UTRN: variants seen among roughly 807,000 people sequenced by gnomAD.
UTRN encodes utrophin.
A neutral mutation model predicts 463.9 loss-of-function variants in UTRN; 283 were observed. That is an observed-to-expected ratio of 0.61 (90% confidence interval 0.55 to 0.67). UTRN has a LOEUF of 0.67. UTRN is among the 30% of genes least tolerant of loss of function. The probability of loss-of-function intolerance (pLI) is 0.00; values close to 1 mark genes in which losing one functional copy is unlikely to be tolerated. For synonymous variants in UTRN, 1,442 were observed against 1,431.5 expected, an observed-to-expected ratio of 1.01 and a Z score of -0.17; for missense variants, 3,922 against 4,084.3, an observed-to-expected ratio of 0.96 and a Z score of 1.08.
intron 51 of UTRN, among the ~76,000 whole-genome samples, chr6:144,662,359 A>G (rs559625536): frequency 2.0e-5 from 3 of 152,344 alleles, no homozygotes; most frequent in African/African-American, 7.2e-5. Context: ...ACAAAGCAAT[A>G]ATGCCATTTC....
At chr6:144,336,578 T>G (rs913662027) in intron 2 of UTRN, among the ~76,000 whole-genome samples, 4 of 152,154 alleles carry the variant, frequency 2.6e-5, no homozygotes, top group Non-Finnish European at 4.4e-5. Context: ...CACTAGAAAC[T>G]AGAAAAATTT....
intron 2 of UTRN, among the ~76,000 whole-genome samples, chr6:144,358,795 A>G (rs1003134519): frequency 3.9e-5 from 6 of 152,192 alleles, no homozygotes; most frequent in Admixed American, 2.6e-4. Flanking sequence ...AATTGCAATA[A>G]CATTTTAAAA....
intron 65 of UTRN, among the ~76,000 whole-genome samples, chr6:144,804,705 G>C (rs1170887030): frequency 1.3e-5 from 2 of 152,136 alleles, no homozygotes; most frequent in Admixed American, 6.6e-5. Flanking sequence ...GAGAGAGACT[G>C]GGAGACAGGG....
rs938523044 is a variant in UTRN at position 144,700,230 on chromosome 6, A to G, written c.7796A>G (p.Tyr2599Cys). Reference protein sequence around the residue: ...GGDVPALQLQYDHCKALRREL... With the variant: ...GGDVPALQLQCDHCKALRREL... ...GATGTTCCAGCCTTACAGCTCCAGT[A>G]TGACCATTGTAAGGTAAGTGGATAA... is the stretch of plus-strand genomic sequence containing the variant. The change falls in exon 53 of 75, where the codon TAT (tyrosine) becomes TGT (cysteine). Residue 2599 changes from tyrosine to cysteine, a missense_variant. This residue lies in a region of UTRN where 1,309 missense variants were observed against 1,452.6 expected (regional missense o/e 0.90). Transcript: ENST00000367545. 8.1e-6 allele frequency: 13 copies of G among 1,612,610 alleles called. No homozygotes were observed. Among genetic ancestry groups the G allele is most frequent in the East Asian group, 2.2e-5 (1 of 44,856 alleles).
intron 50 of UTRN, among the ~76,000 whole-genome samples, chr6:144,566,421 T>C (rs1800407434): frequency 6.6e-6 from 1 of 152,150 alleles, no homozygotes; most frequent in African/African-American, 2.4e-5. Flanking sequence ...ATAGCATTCA[T>C]CTACTCAATG....
At chr6:144,649,320 G>C (rs1285159659) in intron 51 of UTRN, among the ~76,000 whole-genome samples, 1 of 152,180 alleles carries the variant, frequency 6.6e-6, no homozygotes, top group Non-Finnish European at 1.5e-5. Context: ...GGATAAGGCT[G>C]TATTGTGGCA....
intron 3 of UTRN, among the ~76,000 whole-genome samples, chr6:144,414,714 C>CTTTTTTTTTTTTTTTTTTT (rs58980911): frequency 7.0e-6 from 1 of 142,286 alleles, no homozygotes. Flanking sequence ...TGTACTATAT[C>CTTTTTTTTTTTTTTTTTTT]TTTTTTTTTT....
chr6:144,602,292 C>A (rs1180947890), intron 51 of UTRN, among the ~76,000 whole-genome samples: 1 of 151,764 alleles, frequency 6.6e-6, no homozygotes, highest in African/African-American at 2.4e-5. Context: ...CCACCAGTCC[C>A]GGCTGATTTT....
chr6:144,430,998 T>C (rs543790784), intron 9 of UTRN, among the ~76,000 whole-genome samples: 1 of 152,312 alleles, frequency 6.6e-6, no homozygotes, highest in South Asian at 2.1e-4. Context: ...GGCTCTCTTT[T>C]GTAGTGAATA....
chr6:144,752,525 T>A (rs1447992216), intron 56 of UTRN, among the ~76,000 whole-genome samples: 3 of 152,168 alleles, frequency 2.0e-5, no homozygotes, highest in African/African-American at 2.4e-5. Flanking sequence ...ATTTTATCTA[T>A]AATAGGTTTG....
At position 144,462,646 on chromosome 6, in the gene UTRN, T is replaced by C; in HGVS notation, c.2854-8T>C. Reference sequence around the variant, plus strand: ...TGCATATTTTTAATCTTTTAAAACTTTTTCCAGACCCTTGATGAAATCCTT... The same window carrying C: ...TGCATATTTTTAATCTTTTAAAACTCTTTCCAGACCCTTGATGAAATCCTT... On this transcript the variant is annotated splice_region_variant and splice_polypyrimidine_tract_variant and intron_variant, in intron 22 of 74. Coordinates refer to ENST00000367545, the MANE Select transcript of UTRN (RefSeq NM_007124.3). 1 of 1,592,722 alleles carries C rather than the reference T, an allele frequency of 6.3e-7. No homozygotes were observed.
At chr6:144,507,006 A>G (rs1425476705) in intron 34 of UTRN, among the ~76,000 whole-genome samples, 1 of 151,730 alleles carries the variant, frequency 6.6e-6, no homozygotes, top group Non-Finnish European at 1.5e-5. Context: ...ACTTTATTTT[A>G]TTAAGTTGAT....
chr6:144,677,852 T>C (rs2128683100), intron 51 of UTRN, among the ~76,000 whole-genome samples: 1 of 152,360 alleles, frequency 6.6e-6, no homozygotes, highest in East Asian at 1.9e-4. Context: ...TAATGACCAG[T>C]GCTGATGAGC....
intron 51 of UTRN, among the ~76,000 whole-genome samples, chr6:144,595,133 C>T (rs914925515): frequency 6.6e-6 from 1 of 152,100 alleles, no homozygotes; most frequent in Non-Finnish European, 1.5e-5. Context: ...CTTGTTTGAT[C>T]TTATGTAATA....
At chr6:144,795,183 C>A (rs1586604532) in intron 63 of UTRN, among the ~76,000 whole-genome samples, 1 of 152,108 alleles carries the variant, frequency 6.6e-6, no homozygotes, top group Non-Finnish European at 1.5e-5. Context: ...CATCCATTTC[C>A]CTGCAAGGGA....
At chr6:144,698,468 T>A (rs1784238565) in intron 52 of UTRN, among the ~76,000 whole-genome samples, 1 of 152,246 alleles carries the variant, frequency 6.6e-6, no homozygotes, top group African/African-American at 2.4e-5. Context: ...CAGCATATGC[T>A]GATGAAAGGC....
chr6:144,824,596 A>T (rs1166197471), intron 66 of UTRN, among the ~76,000 whole-genome samples: 1 of 53,736 alleles, frequency 1.9e-5, no homozygotes, highest in Admixed American at 3.3e-4. Context: ...ATATATATAT[A>T]TATATATATA....
chr6:144,501,031 G>C (rs1019310521), intron 34 of UTRN, among the ~76,000 whole-genome samples: 1 of 152,194 alleles, frequency 6.6e-6, no homozygotes, highest in Non-Finnish European at 1.5e-5. Flanking sequence ...CTGAGAGGTT[G>C]TGGGGTGACA....
intron 69 of UTRN, among the ~76,000 whole-genome samples, chr6:144,834,157 C>T (rs1180012881): frequency 6.6e-6 from 1 of 152,164 alleles, no homozygotes; most frequent in Non-Finnish European, 1.5e-5. Flanking sequence ...CAGTTGCTAA[C>T]TGTGTTGTAA....
Sources: allele counts gnomAD v4.1 joint callset (sites outside exome capture counted in the v4.1 genomes callset), GRCh38; gene constraint gnomAD v4.1.1; regional missense constraint gnomAD v4.1.1; transcripts MANE v1.5; gene names NCBI Gene and HGNC (gene_info 2026-07-23, HGNC 2026-07-21).